Variants in FIGNL2 observed in about 807,000 individuals in gnomAD.
The protein encoded by FIGNL2 is fidgetin like 2, also known as fidgetin-like protein 2.
For synonymous variants in FIGNL2, 565 were observed against 484.0 expected (o/e 1.17, Z -2.20); for missense variants, 1,060 against 950.2 (o/e 1.12, Z -1.52).
chr12:51,845,330 A>G, intron 1 of FIGNL2: 1 of 347,276 alleles, frequency 2.9e-6, no homozygotes, highest in Non-Finnish European at 4.1e-6. Flanking sequence ...GCCCAACACC[A>G]CAGAGCCTGG....
intron 1 of FIGNL2, among the ~76,000 whole-genome samples, chr12:51,834,106 TGGTTGGATGGA>T (rs1939534143): frequency 7.5e-6 from 1 of 132,810 alleles, no homozygotes; most frequent in Non-Finnish European, 1.6e-5. Flanking sequence ...GGTGGATGGA[TGGTTGGATGGA>T]TGGATGGATG....
intron 1 of FIGNL2, chr12:51,844,862 C>G: frequency 1.0e-6 from 1 of 985,414 alleles, no homozygotes; most frequent in Non-Finnish European, 1.2e-6. Context: ...ATCTCATACC[C>G]CTGGTCGCTT....
At chr12:51,840,716 C>CA (rs1939646805) in intron 1 of FIGNL2, among the ~76,000 whole-genome samples, 1 of 152,204 alleles carries the variant, frequency 6.6e-6, no homozygotes, top group Non-Finnish European at 1.5e-5. Context: ...GCCTGGGCAA[C>CA]AGAGCAAAAC....
chr12:51,833,559 G>A (rs1257722372), intron 1 of FIGNL2, among the ~76,000 whole-genome samples: 1 of 152,126 alleles, frequency 6.6e-6, no homozygotes, highest in Non-Finnish European at 1.5e-5. Flanking sequence ...GGCCTCACCT[G>A]CTGCCACTGC....
intron 1 of FIGNL2, among the ~76,000 whole-genome samples, chr12:51,832,313 G>C (rs751206883): frequency 2.0e-5 from 3 of 151,972 alleles, no homozygotes; most frequent in Non-Finnish European, 4.4e-5. Context: ...CACTGTGCCC[G>C]GCCCCAAAAT....
At position 51,820,347 on chromosome 12, in the gene FIGNL2, C is replaced by T. The variant is rs1592183025; in HGVS notation, c.*105G>A. 7.0e-7 allele frequency: 1 copy of T among 1,422,192 alleles called. No homozygotes were observed. The highest frequency in any genetic ancestry group is 9.3e-7 in the Non-Finnish European group (1 of 1,072,390). 88.1% of individuals were successfully genotyped at this position (1,422,192 alleles called of 1,614,324 possible). A position where few individuals can be genotyped will look rare whatever the true frequency, so the allele number is the denominator to read the frequency against. ...CCCCTCCTGTCCCCGATCCCACATT[C>T]ACCACTCCAGCCCCTGCCAGCCGGG... On this transcript the variant is annotated 3_prime_UTR_variant, in exon 2 of 2. Coordinates refer to ENST00000618634, the MANE Select transcript of FIGNL2 (RefSeq NM_001384995.1).
chr12:51,822,921 G>A (rs1336728276), intron 1 of FIGNL2, among the ~76,000 whole-genome samples: 1 of 152,222 alleles, frequency 6.6e-6, no homozygotes, highest in East Asian at 1.9e-4. Context: ...CAGAGTCCCT[G>A]GCCTAGTGAC....
intron 1 of FIGNL2, among the ~76,000 whole-genome samples, chr12:51,844,133 T>A (rs886882028): frequency 1.3e-5 from 2 of 152,154 alleles, no homozygotes; most frequent in Admixed American, 1.3e-4. Context: ...CTTATCCCCA[T>A]TTTAGAAATG....
intron 1 of FIGNL2, among the ~76,000 whole-genome samples, chr12:51,843,559 AG>A (rs1362858270): frequency 6.6e-6 from 1 of 151,316 alleles, no homozygotes; most frequent in Non-Finnish European, 1.5e-5. Context: ...AAAAAAAAAA[AG>A]AGTCAATGCA....
chr12:51,834,182 G>T lies in FIGNL2; in HGVS notation c.-11-11758C>A, dbSNP rs115954804. ...GAAATGGCCTCTGTGTCCAAATAAA[G>T]AAAGCAATCAGGGTGACTAAATTTG... On this transcript the variant is annotated intron_variant, in intron 1 of 1. Transcript: ENST00000618634. Among the ~76,000 whole-genome samples the T allele has an allele frequency of 3.4e-3, 487 of 143,242 alleles. 3 individuals are homozygous for T. Among genetic ancestry groups the T allele is most frequent in the Middle Eastern group, 0.018 (5 of 284 alleles). 94.0% of individuals were successfully genotyped at this position (143,242 alleles called of 152,430 possible). A position where few individuals can be genotyped will look rare whatever the true frequency, so the allele number is the denominator to read the frequency against.
Position 51,822,092 on chromosome 12 carries a change from A to C in FIGNL2, c.322T>G (p.Leu108Val). Residue 108 changes from leucine to valine, a missense_variant, in exon 2 of 2, where the codon TTG becomes GTG. Physicochemically the swap from Leu to Val is conservative, Grantham distance 32. Transcript: ENST00000618634. Reference sequence around the variant, plus strand: ...GGGAGGCCTTCGTGGAGTGAGGCCAAGGGGTAGGGTGGCTCCGGCCCTGGC... The same window carrying C: ...GGGAGGCCTTCGTGGAGTGAGGCCACGGGGTAGGGTGGCTCCGGCCCTGGC... ...PWPGPEPPYPLASLHEGLPGT... is the reference protein window; with the variant it reads ...PWPGPEPPYPVASLHEGLPGT... 2 of 1,611,420 alleles carry C rather than the reference A, an allele frequency of 1.2e-6. No individual in the cohort carries two copies. The highest frequency in any genetic ancestry group is 4.5e-5 in the East Asian group (2 of 44,768).
chr12:51,824,751 T>G (rs565699618), intron 1 of FIGNL2, among the ~76,000 whole-genome samples: 15 of 152,162 alleles, frequency 9.9e-5, no homozygotes, highest in Non-Finnish European at 2.1e-4. Context: ...GGAGGTAACA[T>G]CAAAGTTATT....
At chr12:51,832,307 G>C (rs1315606974) in intron 1 of FIGNL2, among the ~76,000 whole-genome samples, 7 of 152,050 alleles carry the variant, frequency 4.6e-5, no homozygotes, top group Non-Finnish European at 8.8e-5. Context: ...GTGTGCCACT[G>C]TGCCCGGCCC....
chr12:51,840,601 G>A (rs1939644005), intron 1 of FIGNL2, among the ~76,000 whole-genome samples: 1 of 152,138 alleles, frequency 6.6e-6, no homozygotes, highest in Non-Finnish European at 1.5e-5. Context: ...TGGGTGTGGT[G>A]GCACATGCCT....
rs141704392 is a variant in FIGNL2, at chr12:51,835,752, A to G, written c.-12+12788T>C. On this transcript the variant is annotated intron_variant, in intron 1 of 1. Transcript: ENST00000618634. ...CGGAGCTGCTCTATCTTGAACTTCT[A>G]TGGAGTCTCGCTTCTTAAGGTCTTT... 1.7e-3 allele frequency among the ~76,000 whole-genome samples: 257 copies of G among 151,172 alleles called. 1 individual carries two copies. Among genetic ancestry groups the G allele is most frequent in the African/African-American group, 5.6e-3 (228 of 41,060 alleles).
chr12:51,847,802 AG>A (rs1438190412), intron 1 of FIGNL2: 1 of 985,076 alleles, frequency 1.0e-6, no homozygotes, highest in East Asian at 1.1e-4. Flanking sequence ...TGTGTAGAAC[AG>A]GAGAGGGCTC....
intron 1 of FIGNL2, among the ~76,000 whole-genome samples, chr12:51,829,862 A>C (rs551892573): frequency 6.6e-6 from 1 of 152,238 alleles, no homozygotes; most frequent in South Asian, 2.1e-4. Context: ...GAAAAAAAGG[A>C]ATGAAAGAGA....
chr12:51,820,491 C>G lies in FIGNL2; in HGVS notation c.1923G>C (p.Ser641=). ...GPRASAKELD[S]FVEWDKMYGS... is the part of the protein sequence containing the mutation. ...CGTACATTTTGTCCCACTCCACGAA[C>G]GAGTCCAGTTCCTTGGCAGAGGCCC... Residue 641 remains serine, a synonymous_variant, in exon 2 of 2, where the codon TCG becomes TCC. Transcript: ENST00000618634. 1.9e-6 allele frequency: 3 copies of G among 1,589,036 alleles called. No individual in the cohort carries two copies. The highest frequency in any genetic ancestry group is 2.6e-6 in the Non-Finnish European group (3 of 1,175,310).
In FIGNL2 at chr12:51,848,635, C is replaced by A; in HGVS notation, c.-107G>T. The A allele has an allele frequency of 2.8e-6, 2 of 704,602 alleles. No homozygotes were observed. Among genetic ancestry groups the A allele is most frequent in the Non-Finnish European group, 3.5e-6 (2 of 574,024 alleles). The allele number at this position is 704,602 out of a possible 1,614,324, so 43.6% of individuals were successfully genotyped here. A position where few individuals can be genotyped will look rare whatever the true frequency, so the allele number is the denominator to read the frequency against. Reference sequence around the variant, plus strand: ...GGCGGCGCGGGCCGGGGGCGACAGGCCTGGGCTGGGGGGCAGTGGCGCTCA... The same window carrying A: ...GGCGGCGCGGGCCGGGGGCGACAGGACTGGGCTGGGGGGCAGTGGCGCTCA... On this transcript the variant is annotated 5_prime_UTR_variant, in exon 1 of 2. Transcript: ENST00000618634.
Sources: allele counts gnomAD v4.1 joint callset (sites outside exome capture counted in the v4.1 genomes callset), GRCh38; gene constraint gnomAD v4.1.1; transcripts MANE v1.5; gene names NCBI Gene and HGNC (gene_info 2026-07-23, HGNC 2026-07-21).